ORC4: variants seen among roughly 807,000 people sequenced by gnomAD.
ORC4 encodes origin recognition complex subunit 4.
In ORC4, 55 loss-of-function variants were observed where a neutral mutation model predicts 63.9. The observed-to-expected ratio is 0.86, with a 90% CI of 0.69 to 1.08. The LOEUF is 1.08. Ranked by LOEUF, ORC4 falls within the 50% of genes least tolerant of loss-of-function variation. The probability of loss-of-function intolerance (pLI) is 0.00; values close to 1 mark genes in which losing one functional copy is unlikely to be tolerated. For synonymous variants in ORC4, 150 were observed against 168.5 expected (o/e 0.89, Z 0.85); for missense variants, 511 against 504.4 (o/e 1.01, Z -0.13).
At chr2:148,010,845 A>ATT (rs1479265957) in intron 1 of ORC4, among the ~76,000 whole-genome samples, 1 of 132,880 alleles carries the variant, frequency 7.5e-6, no homozygotes, top group African/African-American at 2.8e-5. Context: ...GGCCAGATTT[A>ATT]TTCTTTTTTT....
intron 6 of ORC4, among the ~76,000 whole-genome samples, chr2:147,957,831 A>T (rs1689347706): frequency 6.6e-6 from 1 of 152,168 alleles, no homozygotes; most frequent in Non-Finnish European, 1.5e-5. Flanking sequence ...GATACTTGTT[A>T]GCTCAGGATT....
chr2:147,959,323 G>A (rs1689445367), intron 4 of ORC4, among the ~76,000 whole-genome samples: 1 of 151,794 alleles, frequency 6.6e-6, no homozygotes, highest in Non-Finnish European at 1.5e-5. Context: ...CTCTTGTACT[G>A]TGATATCATA....
At chr2:148,013,551 G>A (rs1191713354) in intron 1 of ORC4, among the ~76,000 whole-genome samples, 1 of 152,116 alleles carries the variant, frequency 6.6e-6, no homozygotes, top group Non-Finnish European at 1.5e-5. Flanking sequence ...TTTAGTGTAT[G>A]TTTTAGAACA....
At chr2:147,959,179 A>G (rs1023700884) in intron 4 of ORC4, among the ~76,000 whole-genome samples, 16 of 151,990 alleles carry the variant, frequency 1.1e-4, no homozygotes, top group Admixed American at 2.0e-4. Flanking sequence ...CATGGCCCTT[A>G]TAAACTTCAT....
At position 147,930,909 on chromosome 2, in the gene ORC4, G is replaced by GGTTA. The variant is rs1280981702; in HGVS notation, c.*4597_*4600dup. ...TTAGGGTACATGTGCACATTGTGCA[G>GGTTA]GTTAGTTACATAGGTATACATGTGC... is the stretch of plus-strand genomic sequence containing the variant. On this transcript the variant is annotated 3_prime_UTR_variant, in exon 14 of 14. Transcript: ENST00000392857. 6.6e-6 allele frequency: 1 copy of GGTTA among 150,748 alleles called. No homozygotes were observed. The highest frequency in any genetic ancestry group is 1.5e-5 in the Non-Finnish European group (1 of 67,716). 9.3% of individuals were successfully genotyped at this position (150,748 alleles called of 1,614,324 possible).
chr2:147,976,653 T>C (rs1054931202), intron 1 of ORC4, among the ~76,000 whole-genome samples: 1 of 152,164 alleles, frequency 6.6e-6, no homozygotes, highest in Non-Finnish European at 1.5e-5. Context: ...AAACCTTCCC[T>C]TTCTTGCTCC....
At chr2:147,994,897 C>G (rs1371777549) in intron 1 of ORC4, among the ~76,000 whole-genome samples, 1 of 152,132 alleles carries the variant, frequency 6.6e-6, no homozygotes, top group East Asian at 1.9e-4. Context: ...TTGTGGCAGG[C>G]TCCTGTAATC....
chr2:147,962,154 C>T (rs566181113), intron 4 of ORC4, among the ~76,000 whole-genome samples: 5 of 152,250 alleles, frequency 3.3e-5, no homozygotes, highest in South Asian at 4.1e-4. Context: ...CAAATCTTCC[C>T]GTAGTCAGGA....
chr2:147,931,950 T>C lies in ORC4; in HGVS notation c.*3560A>G, dbSNP rs990229610. ...GTATTCAACATAGTGTTGGAAGTTCTGGCCAGGGCAATTAGGCAGGAGAAG... is the reference window on the plus strand; with the variant it reads ...GTATTCAACATAGTGTTGGAAGTTCCGGCCAGGGCAATTAGGCAGGAGAAG... On this transcript the variant is annotated 3_prime_UTR_variant, in exon 14 of 14. Transcript: ENST00000392857. 6.6e-5 allele frequency: 10 copies of C among 152,068 alleles called. No homozygotes were observed. The highest frequency in any genetic ancestry group is 2.4e-4 in the African/African-American group (10 of 41,478). 9.4% of individuals were successfully genotyped at this position (152,068 alleles called of 1,614,324 possible).
At chr2:147,971,281 A>C (rs1181771725) in intron 4 of ORC4, among the ~76,000 whole-genome samples, 2 of 151,932 alleles carry the variant, frequency 1.3e-5, no homozygotes, top group African/African-American at 4.8e-5. Flanking sequence ...CAATGTTATT[A>C]TTAATAGTAT....
At chr2:148,003,321 C>G (rs1036922905) in intron 1 of ORC4, among the ~76,000 whole-genome samples, 1 of 152,014 alleles carries the variant, frequency 6.6e-6, no homozygotes, top group Admixed American at 6.6e-5. Flanking sequence ...AAAGAAAATT[C>G]CAGGCCAATA....
At chr2:148,015,740 C>T (rs1275693925) in intron 1 of ORC4, among the ~76,000 whole-genome samples, 1 of 151,600 alleles carries the variant, frequency 6.6e-6, no homozygotes, top group South Asian at 2.1e-4. Flanking sequence ...GGAAATGATG[C>T]TAGACAAAAA....
chr2:148,006,721 T>C (rs1692661104), intron 1 of ORC4, among the ~76,000 whole-genome samples: 2 of 152,192 alleles, frequency 1.3e-5, no homozygotes, highest in African/African-American at 4.8e-5. Flanking sequence ...CTTGGCAGAA[T>C]TCACCACCTG....
intron 4 of ORC4, among the ~76,000 whole-genome samples, chr2:147,965,123 A>C (rs1360940580): frequency 2.6e-5 from 4 of 152,198 alleles, no homozygotes; most frequent in African/African-American, 4.8e-5. Flanking sequence ...GAAAACTATA[A>C]AACTCACTGG....
chr2:147,953,159 A>G lies in ORC4; in HGVS notation c.437-635T>C, dbSNP rs562032091. Among the ~76,000 whole-genome samples the G allele has an allele frequency of 3.0e-4, 44 of 146,400 alleles. 2 individuals carry two copies. In the East Asian group the frequency reaches 8.8e-3, roughly 29 times the overall value. ...AGCCTGGCCAACATGGTAAAACCCC[A>G]TCTCTGCTATTAAAAAAAAAAAAAA... On this transcript the variant is annotated intron_variant, in intron 7 of 13. Transcript: ENST00000392857.
chr2:148,018,868 G>C (rs1693481667), intron 1 of ORC4, among the ~76,000 whole-genome samples: 1 of 152,194 alleles, frequency 6.6e-6, no homozygotes, highest in Non-Finnish European at 1.5e-5. Context: ...AGAATGGAGA[G>C]GGGAGCTTCT....
At chr2:147,948,675 T>C (rs1465296475) in intron 8 of ORC4, among the ~76,000 whole-genome samples, 1 of 151,850 alleles carries the variant, frequency 6.6e-6, no homozygotes, top group African/African-American at 2.4e-5. Context: ...TCCGGCTTTT[T>C]TTTTTTTATA....
rs1687798816 is a variant in ORC4, at chr2:147,932,113, G to T, written c.*3397C>A. The T allele has an allele frequency of 6.7e-6, 1 of 150,072 alleles. No individual in the cohort carries two copies. The highest frequency in any genetic ancestry group is 1.5e-5 in the Non-Finnish European group (1 of 67,020). The allele number at this position is 150,072 out of a possible 1,614,324, so 9.3% of individuals were successfully genotyped here. ...ATAAGCAACTTCAGCAAAGTCTCAG[G>T]ATACAAAATCAATGTACAAAAATCA... On this transcript the variant is annotated 3_prime_UTR_variant, in exon 14 of 14. Coordinates refer to ENST00000392857, the MANE Select transcript of ORC4 (RefSeq NM_181741.4).
intron 4 of ORC4, among the ~76,000 whole-genome samples, chr2:147,959,169 C>T (rs1689436016): frequency 6.6e-6 from 1 of 151,994 alleles, no homozygotes. Flanking sequence ...AAACATGTGA[C>T]ATGGCCCTTA....
Sources: gnomAD v4.1 joint callset for allele counts (sites outside exome capture counted in the v4.1 genomes callset) on GRCh38, gnomAD v4.1.1 for gene constraint, MANE v1.5 for transcripts, NCBI Gene and HGNC (gene_info 2026-07-23, HGNC 2026-07-21) for gene names.